PTRH1: variants seen among roughly 807,000 people sequenced by gnomAD.
The protein encoded by PTRH1 is peptidyl-tRNA hydrolase.
PTRH1 carries 13 observed loss-of-function variants against 15.7 expected under a neutral mutation model. That is an observed-to-expected ratio of 0.83 (90% CI 0.54 to 1.31). The LOEUF is 1.31. PTRH1 is among the 40% of genes most tolerant of loss of function. The pLI is 0.00. For synonymous variants in PTRH1, 139 were observed against 136.7 expected (o/e 1.02, Z -0.12); for missense variants, 319 against 296.2 (o/e 1.08, Z -0.56).
At chr9:127,712,775 C>A (rs1297753200), downstream of PTRH1, 12 of 1,614,078 alleles carry the variant, frequency 7.4e-6, no homozygotes, top group Non-Finnish European at 1.0e-5. Context: ...GGAGATGCTG[C>A]AGCAACTGCT....
In PTRH1 at chr9:127,699,550, G is replaced by A. The variant is rs1401311613; in HGVS notation, c.206-4409C>T. Among the ~76,000 whole-genome samples, 3 of 152,194 alleles carry A rather than the reference G, an allele frequency of 2.0e-5. No individual in the cohort carries two copies. The East Asian group carries it at 5.8e-4, about 29-fold the overall frequency. ...TGATTGGCTGGCTTTCCGAGGCGGG[G>A]TTGTGAAGCGTTGGTCATTCTATCT... On this transcript the variant is annotated intron_variant, in intron 1 of 2. Coordinates refer to the PTRH1 transcript ENST00000335223.
In PTRH1 at chr9:127,715,632, G is replaced by C. The variant is rs751374882; in HGVS notation, c.8C>G (p.Pro3Arg). Residue 3 changes from proline to arginine, a missense_variant, in exon 1 of 5, where the codon CCG becomes CGG. Transcript: ENST00000543175. This position sits in a 1 kb window ranked among gnomAD's most constrained non-coding sequence, Gnocchi z 5.8. MR[P>R]GGFLGAGQRL... ...CTGTCCGGCGCCCAAAAAGCCGCCC[G>C]GCCTCATGCTGCCCCCATTCACTCC... The C allele has an allele frequency of 9.3e-6, 15 of 1,611,874 alleles. No homozygotes were observed. Among genetic ancestry groups the C allele is most frequent in the South Asian group, 6.6e-5 (6 of 91,026 alleles).
chr9:127,706,789 A>G (rs532612282), intron 1 of PTRH1, among the ~76,000 whole-genome samples: 50 of 152,318 alleles, frequency 3.3e-4, no homozygotes, highest in African/African-American at 1.0e-3. Context: ...TTGTCCCCAG[A>G]AGCCCAAAAA....
At chr9:127,706,695 A>G (rs1243056644) in intron 1 of PTRH1, among the ~76,000 whole-genome samples, 1 of 152,190 alleles carries the variant, frequency 6.6e-6, no homozygotes, top group African/African-American at 2.4e-5. Context: ...TCTGATCAGC[A>G]CAAAGGAAAG....
In PTRH1 at chr9:127,715,462, G is replaced by T. The variant is rs1472586639; in HGVS notation, c.96+82C>A. The T allele has an allele frequency of 6.3e-7, 1 of 1,579,590 alleles. No homozygotes were observed. Among genetic ancestry groups the T allele is most frequent in the African/African-American group, 1.3e-5 (1 of 74,090 alleles). ...GTTAAGAAAACAGAGCAGCAATTTG[G>T]GGGCACTCGGCTCCCGGGACATAAT... On this transcript the variant is annotated intron_variant, in intron 1 of 4. Coordinates refer to ENST00000543175, the MANE Select transcript of PTRH1 (RefSeq NM_001002913.3). The surrounding 1 kb of genome is among the most constrained non-coding windows in gnomAD (Gnocchi z 5.8).
intron 1 of PTRH1, among the ~76,000 whole-genome samples, chr9:127,701,034 C>G (rs1031787717): frequency 6.6e-6 from 1 of 152,220 alleles, no homozygotes; most frequent in Admixed American, 6.5e-5. Flanking sequence ...ATGGTACATG[C>G]ATGTTTGTTC....
chr9:127,697,180 A>G (rs1842567981), intron 1 of PTRH1, among the ~76,000 whole-genome samples: 1 of 152,214 alleles, frequency 6.6e-6, no homozygotes, highest in African/African-American at 2.4e-5. Context: ...CAACTGAAGC[A>G]CAGTAACCTA....
At chr9:127,702,698 G>A (rs1279503626) in intron 1 of PTRH1, among the ~76,000 whole-genome samples, 1 of 151,680 alleles carries the variant, frequency 6.6e-6, no homozygotes, top group African/African-American at 2.4e-5. Context: ...CTTTGCCAAC[G>A]TTTGTCATTA....
At chr9:127,712,605 A>G (rs749309482), downstream of PTRH1, 12 of 1,594,908 alleles carry the variant, frequency 7.5e-6, no homozygotes, top group Admixed American at 2.1e-4. Context: ...CCCACCACAG[A>G]CAGGGAAAAC....
At chr9:127,703,020 T>C (rs999752268) in intron 1 of PTRH1, among the ~76,000 whole-genome samples, 12 of 151,580 alleles carry the variant, frequency 7.9e-5, no homozygotes, top group African/African-American at 2.9e-4. Flanking sequence ...TGCACACAGC[T>C]GAAAGTCACT....
At chr9:127,710,639 A>T (rs1382814734), downstream of PTRH1, 1 of 1,587,230 alleles carries the variant, frequency 6.3e-7, no homozygotes, top group Admixed American at 1.8e-5. Flanking sequence ...CCGGCTGCAG[A>T]AAGAGGAGGT....
downstream of PTRH1, chr9:127,713,796 T>C: frequency 6.3e-7 from 1 of 1,583,756 alleles, no homozygotes; most frequent in Non-Finnish European, 8.7e-7. Flanking sequence ...TGTGAGCCAC[T>C]GCACCCGGCC....
At chr9:127,710,847 G>C, downstream of PTRH1, 1 of 1,397,044 alleles carries the variant, frequency 7.2e-7, no homozygotes, top group African/African-American at 1.4e-5. Context: ...CTAACTGGGG[G>C]GTTAGATGGG....
intron 2 of PTRH1, chr9:127,694,904 C>A (rs1210384449): frequency 1.5e-6 from 1 of 687,666 alleles, no homozygotes; most frequent in South Asian, 1.5e-5. Context: ...TGGTTAGGAG[C>A]ACAGACTTCA....
intron 1 of PTRH1, among the ~76,000 whole-genome samples, chr9:127,708,631 A>G (rs1322918523): frequency 6.6e-6 from 1 of 152,246 alleles, no homozygotes; most frequent in East Asian, 1.9e-4. Context: ...CAGGTAGAAT[A>G]TATTCAAGGC....
At chr9:127,710,802 G>T, downstream of PTRH1, 1 of 1,544,988 alleles carries the variant, frequency 6.5e-7, no homozygotes, top group Non-Finnish European at 8.8e-7. Flanking sequence ...TTCATCCCTG[G>T]GGCTACGAAC....
At chr9:127,708,216 G>A (rs1249798834) in intron 1 of PTRH1, among the ~76,000 whole-genome samples, 1 of 152,138 alleles carries the variant, frequency 6.6e-6, no homozygotes, top group African/African-American at 2.4e-5. Context: ...CAGTGGCTCA[G>A]GACTGTAATC....
chr9:127,715,524 C>T lies in PTRH1; in HGVS notation c.96+20G>A. ...AGCTAGGGACCGGGAGCCCCTACGT[C>T]GCCGCCCCACGCCACTCACCATCCA... On this transcript the variant is annotated intron_variant, in intron 1 of 4. Coordinates refer to ENST00000543175, the MANE Select transcript of PTRH1 (RefSeq NM_001002913.3). The surrounding 1 kb of genome is among the most constrained non-coding windows in gnomAD (Gnocchi z 5.8). The T allele has an allele frequency of 6.2e-7, 1 of 1,613,226 alleles. No homozygotes were observed. Among genetic ancestry groups the T allele is most frequent in the Non-Finnish European group, 8.5e-7 (1 of 1,179,984 alleles).
At chr9:127,712,362 G>A (rs762056948), downstream of PTRH1, 7 of 1,613,152 alleles carry the variant, frequency 4.3e-6, no homozygotes, top group African/African-American at 6.7e-5. Flanking sequence ...GAGCAGAAGG[G>A]AGAGAGGGAG....
Sources: gnomAD v4.1 joint callset for allele counts (sites outside exome capture counted in the v4.1 genomes callset) on GRCh38, gnomAD v4.1.1 for gene constraint, Gnocchi (gnomAD v3.1) non-coding constraint, MANE v1.5 for transcripts, NCBI Gene and HGNC (gene_info 2026-07-23, HGNC 2026-07-21) for gene names.